Variants in PARD3 observed in about 807,000 individuals in gnomAD.
PARD3 encodes the protein partitioning defective 3 homolog.
In PARD3, 75 loss-of-function variants were observed where a neutral mutation model predicts 155.4. The observed-to-expected ratio is 0.48, with a 90% confidence interval of 0.40 to 0.58. PARD3 has a LOEUF of 0.58. Among genes scored for constraint, PARD3 ranks in the 20% least tolerant of loss-of-function variants. The pLI is 0.00. For missense variants in PARD3, 1,642 were observed against 1,721.7 expected, an observed-to-expected ratio of 0.95 and a Z score of 0.82; for synonymous variants, 576 against 610.5, an observed-to-expected ratio of 0.94 and a Z score of 0.83.
intron 2 of PARD3, among the ~76,000 whole-genome samples, chr10:34,674,579 C>T (rs1046298378): frequency 6.6e-5 from 10 of 150,862 alleles, no homozygotes; most frequent in African/African-American, 1.9e-4. Context: ...CTCCGTCTCC[C>T]GGGTTCAAGC....
chr10:34,725,879 G>T (rs1216395847), intron 1 of PARD3, among the ~76,000 whole-genome samples: 1 of 152,180 alleles, frequency 6.6e-6, no homozygotes, highest in African/African-American at 2.4e-5. Context: ...CTGTGGACTA[G>T]TTCTACTGTC....
At chr10:34,639,341 A>G (rs2092591493) in intron 2 of PARD3, among the ~76,000 whole-genome samples, 1 of 152,124 alleles carries the variant, frequency 6.6e-6, no homozygotes, top group Non-Finnish European at 1.5e-5. Flanking sequence ...GGTTGCTGTG[A>G]GCAAAAGAGC....
intron 1 of PARD3, among the ~76,000 whole-genome samples, chr10:34,706,090 C>T (rs1345367279): frequency 2.0e-5 from 3 of 152,196 alleles, no homozygotes; most frequent in African/African-American, 7.2e-5. Flanking sequence ...GACTACAGCG[C>T]TGGCACAGGA....
At chr10:34,343,250 T>G (rs1837028789) in intron 15 of PARD3, 1 of 789,024 alleles carries the variant, frequency 1.3e-6, no homozygotes, top group Admixed American at 6.2e-5. Flanking sequence ...CACACGGGCA[T>G]AATTTATTAA....
At chr10:34,761,972 T>C (rs1025669093) in intron 1 of PARD3, among the ~76,000 whole-genome samples, 1 of 152,152 alleles carries the variant, frequency 6.6e-6, no homozygotes, top group Non-Finnish European at 1.5e-5. Flanking sequence ...AATACAGGTA[T>C]ACGTGATTTG....
In PARD3 at chr10:34,153,225, C is replaced by T. The variant is rs1011664585; in HGVS notation, c.3420-21642G>A. ...TCCTGGGATCAGGCAATCCTCCCAC[C>T]TCAGCCTCCTGAGAGGCCGCAAGTG... On this transcript the variant is annotated intron_variant, in intron 22 of 24. Coordinates refer to ENST00000374788, the MANE Select transcript of PARD3 (RefSeq NM_001184785.2). Among the ~76,000 whole-genome samples the T allele has an allele frequency of 5.9e-5, 9 of 152,242 alleles. No homozygotes were observed. The East Asian group carries it at 1.5e-3, about 26-fold the overall frequency.
chr10:34,439,483 AGTTTCACTCT>A (rs1417939826), intron 5 of PARD3, among the ~76,000 whole-genome samples: 1 of 151,302 alleles, frequency 6.6e-6, no homozygotes, highest in Non-Finnish European at 1.5e-5. Context: ...TTCTTGAGAG[AGTTTCACTCT>A]GTTGCCCAGG....
At chr10:34,720,222 T>G (rs2094582139) in intron 1 of PARD3, among the ~76,000 whole-genome samples, 1 of 152,176 alleles carries the variant, frequency 6.6e-6, no homozygotes, top group Admixed American at 6.5e-5. Context: ...CGCCTGAGTG[T>G]CAGGCGTTCA....
intron 2 of PARD3, among the ~76,000 whole-genome samples, chr10:34,530,757 G>A (rs2082791071): frequency 6.6e-6 from 1 of 152,164 alleles, no homozygotes; most frequent in Non-Finnish European, 1.5e-5. Flanking sequence ...TCATAATAAT[G>A]TTCTATCAGT....
chr10:34,286,588 G>A (rs1044434756), intron 20 of PARD3, among the ~76,000 whole-genome samples: 1 of 152,230 alleles, frequency 6.6e-6, no homozygotes, highest in African/African-American at 2.4e-5. Flanking sequence ...TTGAGGAATG[G>A]CAAGGGCCAT....
intron 2 of PARD3, among the ~76,000 whole-genome samples, chr10:34,644,729 A>G (rs959822526): frequency 2.0e-5 from 3 of 152,160 alleles, no homozygotes; most frequent in African/African-American, 4.8e-5. Context: ...ATCAGACCTT[A>G]ATTTAGCACA....
chr10:34,463,731 A>G (rs573511397), intron 4 of PARD3, among the ~76,000 whole-genome samples: 1 of 152,368 alleles, frequency 6.6e-6, no homozygotes, highest in South Asian at 2.1e-4. Flanking sequence ...CCCCATAACA[A>G]CGTCAATGGA....
chr10:34,521,235 C>A (rs967412872), intron 2 of PARD3, among the ~76,000 whole-genome samples: 1 of 151,986 alleles, frequency 6.6e-6, no homozygotes, highest in Non-Finnish European at 1.5e-5. Flanking sequence ...CAATAACATA[C>A]AATTGCACAG....
chr10:34,633,248 T>C (rs1371623519), intron 2 of PARD3, among the ~76,000 whole-genome samples: 1 of 152,158 alleles, frequency 6.6e-6, no homozygotes, highest in Non-Finnish European at 1.5e-5. Flanking sequence ...CTACACCATG[T>C]AACAGAGCTC....
chr10:34,216,411 C>T (rs531794627), intron 22 of PARD3, among the ~76,000 whole-genome samples: 4 of 152,294 alleles, frequency 2.6e-5, no homozygotes, highest in South Asian at 2.1e-4. Flanking sequence ...ACACTGCAAG[C>T]GGCTTAACCT....
At chr10:34,348,636 T>G (rs968856419) in intron 14 of PARD3, among the ~76,000 whole-genome samples, 1 of 152,238 alleles carries the variant, frequency 6.6e-6, no homozygotes, top group African/African-American at 2.4e-5. Flanking sequence ...TCAGCTCAGA[T>G]GTCTTGAACA....
chr10:34,382,451 G>T, intron 9 of PARD3, 89 bp downstream of exon 9: 1 of 1,394,112 alleles, frequency 7.2e-7, no homozygotes, highest in Non-Finnish European at 9.8e-7. Flanking sequence ...GGGTTAGTAG[G>T]TTGACTTTTA....
At chr10:34,803,874 T>C (rs1843070696) in intron 1 of PARD3, among the ~76,000 whole-genome samples, 1 of 152,152 alleles carries the variant, frequency 6.6e-6, no homozygotes, top group African/African-American at 2.4e-5. Flanking sequence ...CAAGTTTCCT[T>C]GGAAAAAATA....
In PARD3 at chr10:34,384,165, A is replaced by C; in HGVS notation, c.980T>G (p.Ile327Ser). ...TCTATTTCGAAGGTCGCCATCATTA[A>C]TCCTGACAATGCAATCATTCTCACG... ...LFRENDCIVR[I>S]NDGDLRNRRF... The change falls in exon 8 of 25, where the codon ATT becomes AGT. Residue 327 changes from isoleucine to serine, a missense_variant. Transcript: ENST00000374788. 1 of 1,613,832 alleles carries C rather than the reference A, an allele frequency of 6.2e-7. No individual in the cohort carries two copies. The highest frequency in any genetic ancestry group is 8.5e-7 in the Non-Finnish European group (1 of 1,179,854).
Sources: gnomAD v4.1 joint callset for allele counts (sites outside exome capture counted in the v4.1 genomes callset) on GRCh38, gnomAD v4.1.1 for gene constraint, MANE v1.5 for transcripts, NCBI Gene and HGNC (gene_info 2026-07-23, HGNC 2026-07-21) for gene names.